CSMD1: variants seen among roughly 807,000 people sequenced by gnomAD.
CSMD1 encodes CUB and sushi domain-containing protein 1.
Under a neutral mutation model 417.5 loss-of-function variants are expected in CSMD1, and 213 were observed. That is an observed-to-expected ratio of 0.51 (90% CI 0.46 to 0.57). The LOEUF (loss-of-function observed/expected upper bound fraction) is 0.57, where lower values mean the gene tolerates loss of function less well. Ranked by LOEUF, CSMD1 falls within the 20% of genes least tolerant of loss-of-function variation. The pLI, the probability that CSMD1 is intolerant of heterozygous loss-of-function variation, is 0.00. For synonymous variants in CSMD1, 2,862 were observed against 1,736.8 expected (o/e 1.65, Z -16.11); for missense variants, 6,923 against 4,529.7 (o/e 1.53, Z -15.17).
chr8:3,169,647 T>C (rs749456962), intron 37 of CSMD1, among the ~76,000 whole-genome samples: 1 of 152,192 alleles, frequency 6.6e-6, no homozygotes, highest in Non-Finnish European at 1.5e-5. Flanking sequence ...ATAGTTAACA[T>C]GATGTCATGT....
intron 12 of CSMD1, among the ~76,000 whole-genome samples, chr8:3,436,115 G>T (rs981726150): frequency 3.3e-5 from 5 of 152,082 alleles, no homozygotes; most frequent in African/African-American, 1.2e-4. Context: ...TCACTCTCCA[G>T]CCCTCTGACC....
chr8:4,167,922 G>A (rs940750993), intron 3 of CSMD1, among the ~76,000 whole-genome samples: 3 of 152,006 alleles, frequency 2.0e-5, no homozygotes, highest in East Asian at 3.9e-4. Context: ...GAGGTCAGGA[G>A]TTCAAGACCA....
At chr8:4,383,931 G>GA (rs1188094940) in intron 3 of CSMD1, among the ~76,000 whole-genome samples, 1 of 152,138 alleles carries the variant, frequency 6.6e-6, no homozygotes. Flanking sequence ...ATACCGTGAA[G>GA]AAAAATGCGT....
chr8:4,305,571 A>T (rs1395200446), intron 3 of CSMD1, among the ~76,000 whole-genome samples: 2 of 152,222 alleles, frequency 1.3e-5, no homozygotes, highest in African/African-American at 2.4e-5. Context: ...AACAGGAAAG[A>T]ATGAAAAAGA....
chr8:3,450,083 C>G (rs905662120), intron 12 of CSMD1, among the ~76,000 whole-genome samples: 1 of 152,170 alleles, frequency 6.6e-6, no homozygotes. Context: ...GGAAAATCAT[C>G]TGGTTTGCTG....
At chr8:3,411,305 G>A (rs1387176645) in intron 12 of CSMD1, among the ~76,000 whole-genome samples, 1 of 152,122 alleles carries the variant, frequency 6.6e-6, no homozygotes, top group South Asian at 2.1e-4. Flanking sequence ...TTATCTTGCA[G>A]GGGCCAAGAG....
intron 17 of CSMD1, among the ~76,000 whole-genome samples, chr8:3,392,252 T>G (rs1298612422): frequency 6.6e-6 from 1 of 151,926 alleles, no homozygotes; most frequent in African/African-American, 2.4e-5. Context: ...ACTTAAAGTA[T>G]AATAAAAAAA....
At chr8:4,753,509 C>T (rs1005211818) in intron 1 of CSMD1, among the ~76,000 whole-genome samples, 2 of 151,814 alleles carry the variant, frequency 1.3e-5, no homozygotes, top group African/African-American at 2.4e-5. Flanking sequence ...TCATTTCGTA[C>T]AAGCCCACAC....
intron 3 of CSMD1, among the ~76,000 whole-genome samples, chr8:4,131,787 G>A (rs1401029132): frequency 1.7e-5 from 2 of 115,950 alleles, no homozygotes; most frequent in Admixed American, 1.1e-4. Flanking sequence ...TTTTGAGACG[G>A]AGTCTCGCTC....
chr8:3,813,322 T>C (rs1411471897), intron 5 of CSMD1, among the ~76,000 whole-genome samples: 1 of 152,174 alleles, frequency 6.6e-6, no homozygotes, highest in East Asian at 1.9e-4. Flanking sequence ...AGATATCATA[T>C]GATCTGTTAT....
intron 5 of CSMD1, among the ~76,000 whole-genome samples, chr8:3,919,826 T>A (rs981555137): frequency 1.3e-5 from 2 of 152,148 alleles, no homozygotes; most frequent in South Asian, 2.1e-4. Flanking sequence ...TGTATAATTT[T>A]CAGTGTACAG....
chr8:4,150,810 T>G (rs978551509), intron 3 of CSMD1, among the ~76,000 whole-genome samples: 1 of 152,038 alleles, frequency 6.6e-6, no homozygotes, highest in African/African-American at 2.4e-5. Context: ...TGCAGAGGTG[T>G]TGGGAGAAGA....
chr8:4,269,181 C>G (rs541673936), intron 3 of CSMD1, among the ~76,000 whole-genome samples: 24 of 152,210 alleles, frequency 1.6e-4, no homozygotes, highest in African/African-American at 5.1e-4. Context: ...CTCAGCCCTC[C>G]TAGTAGCTGG....
intron 7 of CSMD1, among the ~76,000 whole-genome samples, chr8:3,686,176 T>C (rs1799934768): frequency 6.6e-6 from 1 of 152,158 alleles, no homozygotes; most frequent in Admixed American, 6.5e-5. Flanking sequence ...TTATTTGAAA[T>C]TAAGCTTGGG....
At chr8:4,015,209 AC>A (rs1796463910) in intron 4 of CSMD1, among the ~76,000 whole-genome samples, 2 of 152,210 alleles carry the variant, frequency 1.3e-5, no homozygotes, top group Non-Finnish European at 2.9e-5. Context: ...TCCTGACGTG[AC>A]AGATCATTTA....
chr8:3,670,629 G>T (rs1283192907), intron 7 of CSMD1, among the ~76,000 whole-genome samples: 1 of 146,448 alleles, frequency 6.8e-6, no homozygotes, highest in South Asian at 2.1e-4. Context: ...TATATATATG[G>T]GATATTTATA....
At chr8:4,677,193 T>G (rs1210647916) in intron 1 of CSMD1, among the ~76,000 whole-genome samples, 4 of 150,418 alleles carry the variant, frequency 2.7e-5, no homozygotes, top group Admixed American at 2.0e-4. Context: ...GTCAGGTAAC[T>G]ATACATAATA....
chr8:3,246,395 C>T (rs1344991497), intron 26 of CSMD1, among the ~76,000 whole-genome samples: 2 of 152,184 alleles, frequency 1.3e-5, no homozygotes, highest in African/African-American at 2.4e-5. Flanking sequence ...CTCCAGGAAG[C>T]CAGTTCCTCA....
rs987078516 is a variant in CSMD1 at position 4,398,953 on chromosome 8, T to A, written c.415+21000A>T. ...CTCCAGAATATATTCTTGAGAATGT[T>A]TTTTAAAAGCTTCTTCCAGGAAACA... is the stretch of plus-strand genomic sequence containing the variant. On this transcript the variant is annotated intron_variant, in intron 3 of 69. Coordinates refer to ENST00000635120, the MANE Select transcript of CSMD1 (RefSeq NM_033225.6). 1.1e-4 allele frequency among the ~76,000 whole-genome samples: 16 copies of A among 152,220 alleles called. 1 individual carries two copies. The highest frequency in any genetic ancestry group is 3.9e-4 in the African/African-American group (16 of 41,460).
Sources: allele counts gnomAD v4.1 joint callset (sites outside exome capture counted in the v4.1 genomes callset), GRCh38; gene constraint gnomAD v4.1.1; transcripts MANE v1.5; gene names NCBI Gene and HGNC (gene_info 2026-07-23, HGNC 2026-07-21).